The following SLC39A10 variants were observed in gnomAD, a reference collection of about 807,000 sequenced individuals.
SLC39A10 encodes the protein solute carrier family 39 member 10.
SLC39A10 carries 13 observed loss-of-function variants against 65.1 expected under a neutral mutation model. That is an observed-to-expected ratio of 0.20 (90% CI 0.13 to 0.32). The LOEUF is 0.32. Among genes scored for constraint, SLC39A10 ranks in the 10% least tolerant of loss-of-function variants. The pLI, the probability that SLC39A10 is intolerant of heterozygous loss-of-function variation, is 1.00. For synonymous variants in SLC39A10, 321 were observed against 342.2 expected (o/e 0.94, Z 0.68); for missense variants, 831 against 1,018.4 (o/e 0.82, Z 2.50).
At chr2:195,630,161 T>TTTG (rs1351983452) in intron 2 of SLC39A10, among the ~76,000 whole-genome samples, 84 of 150,724 alleles carry the variant, frequency 5.6e-4, no homozygotes, top group Non-Finnish European at 1.1e-3. Context: ...TTTTTTTTTT[T>TTTG]TTAATAAACT....
At chr2:195,628,682 A>C (rs2105694532) in intron 2 of SLC39A10, among the ~76,000 whole-genome samples, 1 of 152,360 alleles carries the variant, frequency 6.6e-6, no homozygotes, top group African/African-American at 2.4e-5. Flanking sequence ...AATTTCTTTC[A>C]ACAAAAGTGA....
At chr2:195,623,314 A>G (rs574963210) in intron 2 of SLC39A10, among the ~76,000 whole-genome samples, 10 of 152,348 alleles carry the variant, frequency 6.6e-5, no homozygotes, top group Admixed American at 4.6e-4. Flanking sequence ...TCTTGACAAT[A>G]GGAGTTTCCC....
rs145869902 is a variant in SLC39A10, at chr2:195,735,440, TTGTGTGTTTTA to T, written c.*400_*410del. The stretch of plus-strand genomic sequence containing the variant: ...TAAATGGACTTTGGGGAGACATTTT[TTGTGTGTTTTA>T]AGAATGAATTGTAGTGCTCTTTAAT... On this transcript the variant is annotated 3_prime_UTR_variant, in exon 10 of 10. Transcript: ENST00000359634. 244 of 153,990 alleles carry T rather than the reference TTGTGTGTTTTA, an allele frequency of 1.6e-3. No individual in the cohort carries two copies. The highest frequency in any genetic ancestry group is 5.7e-3 in the African/African-American group (237 of 41,632). 9.5% of individuals were successfully genotyped at this position (153,990 alleles called of 1,614,324 possible).
At chr2:195,705,994 T>G (rs1053718445) in intron 3 of SLC39A10, among the ~76,000 whole-genome samples, 16 of 152,082 alleles carry the variant, frequency 1.1e-4, no homozygotes, top group African/African-American at 3.9e-4. Flanking sequence ...GGTAAATTGT[T>G]ACAGAAACCC....
intron 3 of SLC39A10, among the ~76,000 whole-genome samples, chr2:195,684,309 A>G (rs892855776): frequency 6.6e-6 from 1 of 152,246 alleles, no homozygotes; most frequent in Admixed American, 6.5e-5. Flanking sequence ...TTAAAGACAT[A>G]AAAAGGGAAG....
intron 2 of SLC39A10, among the ~76,000 whole-genome samples, chr2:195,642,124 G>A (rs895216445): frequency 6.6e-6 from 1 of 152,128 alleles, no homozygotes; most frequent in Non-Finnish European, 1.5e-5. Flanking sequence ...AAAGGTCTAT[G>A]CATGGGAGGA....
chr2:195,668,190 C>G (rs900679724), intron 1 of SLC39A10, among the ~76,000 whole-genome samples: 2 of 152,148 alleles, frequency 1.3e-5, no homozygotes, highest in African/African-American at 4.8e-5. Flanking sequence ...ATTTGACTAC[C>G]TACATTGCTG....
rs1370511744 is a variant in SLC39A10, at chr2:195,735,994, C to CG, written c.*953_*954insG. On this transcript the variant is annotated 3_prime_UTR_variant, in exon 10 of 10. Coordinates refer to ENST00000359634, the MANE Select transcript of SLC39A10 (RefSeq NM_020342.3). ...GTTCTGAATGTTCACATTGCTTTAC[C>CG]AGTTTGGCACTGGAACCAAGAGCAC... 6.6e-6 allele frequency: 1 copy of CG among 152,248 alleles called. No individual in the cohort carries two copies. The highest frequency in any genetic ancestry group is 1.9e-4 in the East Asian group (1 of 5,194). 9.4% of individuals were successfully genotyped at this position (152,248 alleles called of 1,614,324 possible). A position where few individuals can be genotyped will look rare whatever the true frequency, so the allele number is the denominator to read the frequency against.
At chr2:195,617,209 CA>C (rs1440462089) in intron 2 of SLC39A10, among the ~76,000 whole-genome samples, 5 of 152,002 alleles carry the variant, frequency 3.3e-5, no homozygotes, top group African/African-American at 1.2e-4. Context: ...AGGCATGGAT[CA>C]AAAAAATTTT....
intron 1 of SLC39A10, among the ~76,000 whole-genome samples, chr2:195,670,826 T>C (rs1689828835): frequency 6.6e-6 from 1 of 152,242 alleles, no homozygotes; most frequent in South Asian, 2.1e-4. Flanking sequence ...CATTTCCCTT[T>C]GCGTATTATT....
chr2:195,680,838 G>A lies in SLC39A10; in HGVS notation c.796G>A (p.Val266Ile). The A allele has an allele frequency of 6.2e-7, 1 of 1,614,072 alleles. No homozygotes were observed. The highest frequency in any genetic ancestry group is 8.5e-7 in the Non-Finnish European group (1 of 1,180,024). The change falls in exon 2 of 10, where the codon GTC becomes ATC. Residue 266 changes from valine to isoleucine, a missense_variant. Physicochemically the swap from Val to Ile is conservative, Grantham distance 29. Coordinates refer to ENST00000359634, the MANE Select transcript of SLC39A10 (RefSeq NM_020342.3). ...DQGEQYEHNR[V>I]HKPDRVHNPG... ...GGGTGAACAGTATGAGCATAATCGG[G>A]TCCACAAACCTGATCGTGTACATAA...
At chr2:195,648,780 C>T (rs1212365240) in intron 2 of SLC39A10, among the ~76,000 whole-genome samples, 1 of 152,176 alleles carries the variant, frequency 6.6e-6, no homozygotes, top group Non-Finnish European at 1.5e-5. Context: ...TTTATGTAAC[C>T]ATCTCAGTTT....
chr2:195,655,124 G>C (rs1262466203), upstream of SLC39A10, among the ~76,000 whole-genome samples: 1 of 152,148 alleles, frequency 6.6e-6, no homozygotes, highest in Non-Finnish European at 1.5e-5. Flanking sequence ...ACTAATAAGA[G>C]CTGGGTCCAA....
chr2:195,680,464 C>T lies in SLC39A10; in HGVS notation c.422C>T (p.Thr141Ile). The change falls in exon 2 of 10, where the codon ACT (threonine) becomes ATT (isoleucine). Residue 141 changes from threonine (T) to isoleucine (I), a missense_variant. This residue lies in a region of SLC39A10 where 446 missense variants were observed against 499.2 expected (regional missense o/e 0.89). Coordinates refer to ENST00000359634, the MANE Select transcript of SLC39A10 (RefSeq NM_020342.3). ...SHNHLNSENQ[T>I]VTSVSTKRNH... ...AATCATTTAAATTCAGAAAATCAAA[C>T]TGTGACCAGTGTATCCACAAAAAGA... The T allele has an allele frequency of 6.2e-7, 1 of 1,614,138 alleles. No homozygotes were observed. The highest frequency in any genetic ancestry group is 1.1e-5 in the South Asian group (1 of 91,074).
intron 8 of SLC39A10, among the ~76,000 whole-genome samples, chr2:195,725,550 A>G (rs1692205167): frequency 6.6e-6 from 1 of 152,142 alleles, no homozygotes; most frequent in Non-Finnish European, 1.5e-5. Flanking sequence ...TGGGGATGCA[A>G]TTTCTTATAA....
In SLC39A10 at chr2:195,735,338, T is replaced by TC. The variant is rs2105855595; in HGVS notation, c.*297_*298insC. 4.8e-6 allele frequency: 1 copy of TC among 207,116 alleles called. No individual in the cohort carries two copies. The highest frequency in any genetic ancestry group is 1.1e-4 in the East Asian group (1 of 9,504). The allele number at this position is 207,116 out of a possible 1,614,324, so 12.8% of individuals were successfully genotyped here. On this transcript the variant is annotated 3_prime_UTR_variant, in exon 10 of 10. Transcript: ENST00000359634. ...ATAATCATATAAAACACTAGTCTCTTTATTAGTAGAAACTTCTGTGGCTAT... is the reference window on the plus strand; with the variant it reads ...ATAATCATATAAAACACTAGTCTCTTCTATTAGTAGAAACTTCTGTGGCTAT...
intron 3 of SLC39A10, among the ~76,000 whole-genome samples, chr2:195,700,152 CAT>C (rs1397995514): frequency 2.0e-5 from 3 of 152,054 alleles, no homozygotes; most frequent in Non-Finnish European, 4.4e-5. Context: ...ATAGTTGACT[CAT>C]GTGTTTTTAT....
Position 195,680,247 on chromosome 2 carries a change from G to A in SLC39A10, c.205G>A (p.Glu69Lys). 6.2e-7 allele frequency: 1 copy of A among 1,613,592 alleles called. No individual in the cohort carries two copies. The highest frequency in any genetic ancestry group is 1.1e-5 in the South Asian group (1 of 90,838). Residue 69 changes from glutamate to lysine, a missense_variant, in exon 2 of 10, where the codon GAG (glutamate) becomes AAG (lysine). By Grantham distance (56) the Glu-to-Lys change is moderately conservative (BLOSUM62 1). Transcript: ENST00000359634. ...EKKYYIEKLF[E>K]RYGENGRLSF... ...AAAATACTATATTGAAAAACTTTTTGAGCGTTATGGTGAAAATGGAAGATT... is the reference window on the plus strand; with the variant it reads ...AAAATACTATATTGAAAAACTTTTTAAGCGTTATGGTGAAAATGGAAGATT...
At chr2:195,618,681 A>G (rs1326476855) in intron 2 of SLC39A10, among the ~76,000 whole-genome samples, 1 of 152,256 alleles carries the variant, frequency 6.6e-6, no homozygotes, top group Non-Finnish European at 1.5e-5. Context: ...AGAAGGAATG[A>G]TAGCAAGAGA....
Sources: allele counts gnomAD v4.1 joint callset (sites outside exome capture counted in the v4.1 genomes callset), GRCh38; gene constraint gnomAD v4.1.1; regional missense constraint gnomAD v4.1.1; transcripts MANE v1.5; gene names NCBI Gene and HGNC (gene_info 2026-07-23, HGNC 2026-07-21).